RPS6KA2: variants seen among roughly 807,000 people sequenced by gnomAD.
RPS6KA2 encodes ribosomal protein S6 kinase A2.
RPS6KA2 carries 42 observed loss-of-function variants against 91.8 expected under a neutral mutation model. That is an observed-to-expected ratio of 0.46 (90% confidence interval 0.36 to 0.59). The LOEUF (loss-of-function observed/expected upper bound fraction) is 0.59, where lower values mean the gene tolerates loss of function less well. Among genes scored for constraint, RPS6KA2 ranks in the 20% least tolerant of loss-of-function variants. RPS6KA2 has a pLI of 0.00. For synonymous variants in RPS6KA2, 414 were observed against 393.6 expected, an observed-to-expected ratio of 1.05 and a Z score of -0.61; for missense variants, 798 against 978.5, an observed-to-expected ratio of 0.82 and a Z score of 2.46.
At chr6:166,537,128 TG>T (rs1417680828) in intron 2 of RPS6KA2, among the ~76,000 whole-genome samples, 1 of 152,252 alleles carries the variant, frequency 6.6e-6, no homozygotes, top group African/African-American at 2.4e-5. Flanking sequence ...GCCTCCGCCA[TG>T]GGATGTATTC....
chr6:166,480,517 T>TATAAA (rs1781174768), intron 10 of RPS6KA2, among the ~76,000 whole-genome samples: 1 of 104,626 alleles, frequency 9.6e-6, no homozygotes. Context: ...ATATATATAA[T>TATAAA]ATATTTTTTT....
intron 1 of RPS6KA2, chr6:166,862,028 A>C (rs1781057896): frequency 2.5e-6 from 4 of 1,572,364 alleles, no homozygotes; most frequent in African/African-American, 2.7e-5. Flanking sequence ...TGAACTGATT[A>C]TAGTAAATGA....
chr6:166,793,023 G>A (rs1369409858), intron 2 of RPS6KA2, among the ~76,000 whole-genome samples: 10 of 151,862 alleles, frequency 6.6e-5, no homozygotes, highest in African/African-American at 2.4e-4. Flanking sequence ...GGCAGGAGAA[G>A]GAAATAAAGG....
At chr6:166,684,727 C>T (rs1788954561) in intron 2 of RPS6KA2, among the ~76,000 whole-genome samples, 1 of 152,186 alleles carries the variant, frequency 6.6e-6, no homozygotes, top group African/African-American at 2.4e-5. Context: ...CAGCTCCATC[C>T]CCGAAAGCCT....
chr6:166,854,456 C>T (rs1162882124), intron 2 of RPS6KA2, among the ~76,000 whole-genome samples: 5 of 150,790 alleles, frequency 3.3e-5, no homozygotes, highest in Admixed American at 1.3e-4. Context: ...GCACCTCCTG[C>T]GCTCCTCCAG....
chr6:166,850,056 C>T (rs776673528), intron 2 of RPS6KA2, among the ~76,000 whole-genome samples: 4 of 152,180 alleles, frequency 2.6e-5, no homozygotes, highest in African/African-American at 7.2e-5. Flanking sequence ...GGCCACTCAA[C>T]GTGCATTTGG....
chr6:166,857,553 G>A (rs1780937788), intron 2 of RPS6KA2, among the ~76,000 whole-genome samples: 1 of 152,180 alleles, frequency 6.6e-6, no homozygotes, highest in African/African-American at 2.4e-5. Context: ...TAAAGTCTAA[G>A]TCTGTTTTCT....
intron 10 of RPS6KA2, among the ~76,000 whole-genome samples, chr6:166,473,326 G>T (rs1158772034): frequency 6.6e-6 from 1 of 151,976 alleles, no homozygotes; most frequent in Admixed American, 6.6e-5. Flanking sequence ...GAGTAGCTGG[G>T]ACTACAGGCA....
chr6:166,571,375 C>A (rs1407231183), intron 1 of RPS6KA2, among the ~76,000 whole-genome samples: 4 of 152,196 alleles, frequency 2.6e-5, no homozygotes, highest in Non-Finnish European at 5.9e-5. Context: ...AAAGAACTCA[C>A]CCTAAAAGCA....
intron 14 of RPS6KA2, among the ~76,000 whole-genome samples, chr6:166,441,995 T>A (rs986439644): frequency 6.6e-6 from 1 of 152,184 alleles, no homozygotes. Context: ...CTTACACAGC[T>A]GAACCATGGC....
intron 16 of RPS6KA2, among the ~76,000 whole-genome samples, chr6:166,430,124 A>ATT (rs111475748): frequency 6.7e-6 from 1 of 148,220 alleles, no homozygotes; most frequent in African/African-American, 2.5e-5. Context: ...TGCCCAGCTA[A>ATT]TTTTTTTTTT....
chr6:166,571,504 T>G (rs1384036120), intron 1 of RPS6KA2, among the ~76,000 whole-genome samples: 1 of 152,264 alleles, frequency 6.6e-6, no homozygotes, highest in Non-Finnish European at 1.5e-5. Context: ...AGTGTGTGCT[T>G]GGGCGTGTGT....
chr6:166,486,306 C>CCCCT (rs10641718), intron 10 of RPS6KA2, among the ~76,000 whole-genome samples: 20,788 of 152,102 alleles, frequency 0.14, 1,535 homozygotes, highest in Admixed American at 0.19. Flanking sequence ...ACACACAGTG[C>CCCCT]CCCTGTGTGT....
At chr6:166,634,380 G>A (rs1392570595) in intron 2 of RPS6KA2, among the ~76,000 whole-genome samples, 15 of 152,150 alleles carry the variant, frequency 9.9e-5, no homozygotes, top group African/African-American at 4.8e-5. Context: ...AAGTCCTTGC[G>A]TCCACAGGCG....
At chr6:166,447,793 T>C (rs1049434644) in intron 14 of RPS6KA2, among the ~76,000 whole-genome samples, 6 of 152,170 alleles carry the variant, frequency 3.9e-5, no homozygotes, top group African/African-American at 1.4e-4. Flanking sequence ...CGTAGCACCG[T>C]GTGCTACAGA....
intron 2 of RPS6KA2, among the ~76,000 whole-genome samples, chr6:166,729,313 A>T (rs1432508245): frequency 2.0e-5 from 3 of 152,224 alleles, no homozygotes; most frequent in Admixed American, 1.3e-4. Flanking sequence ...AGGGAGTGAG[A>T]CATCAAAGTC....
intron 2 of RPS6KA2, among the ~76,000 whole-genome samples, chr6:166,692,504 C>T (rs1308627605): frequency 6.6e-6 from 1 of 151,934 alleles, no homozygotes; most frequent in African/African-American, 2.4e-5. Context: ...GAAACTTTTG[C>T]AAGCCAAAGT....
chr6:166,695,856 GATTCTCATAGGAGCACTAA>G (rs1397100476), intron 2 of RPS6KA2, among the ~76,000 whole-genome samples: 7 of 150,448 alleles, frequency 4.7e-5, no homozygotes, highest in South Asian at 2.1e-4. Flanking sequence ...AGGAGCACTG[GATTCTCATAGGAGCACTAA>G]ATTCTCATAG....
chr6:166,437,715 T>C lies in RPS6KA2; in HGVS notation c.1333-5225A>G, dbSNP rs1779377354. Among the ~76,000 whole-genome samples, 1 of 152,214 alleles carries C rather than the reference T, an allele frequency of 6.6e-6. No individual in the cohort carries two copies. The highest frequency in any genetic ancestry group is 2.4e-5 in the African/African-American group (1 of 41,442). On this transcript the variant is annotated intron_variant, in intron 14 of 20. Transcript: ENST00000265678. This position sits in a 1 kb window ranked among gnomAD's most constrained non-coding sequence, Gnocchi z 4.3. ...CAACATGGATGGCACACCACCATGA[T>C]CTTCCTGAGCACGGACACATGCAGC...
Sources: gnomAD v4.1 joint callset for allele counts (sites outside exome capture counted in the v4.1 genomes callset) on GRCh38, gnomAD v4.1.1 for gene constraint, Gnocchi (gnomAD v3.1) non-coding constraint, MANE v1.5 for transcripts, NCBI Gene and HGNC (gene_info 2026-07-23, HGNC 2026-07-21) for gene names.